KCNAB1: variants seen among roughly 807,000 people sequenced by gnomAD.
KCNAB1 encodes voltage-gated potassium channel subunit beta-1.
Under a neutral mutation model 64.6 loss-of-function variants are expected in KCNAB1, and 35 were observed. That is an observed-to-expected ratio of 0.54 (90% CI 0.41 to 0.72). The LOEUF (loss-of-function observed/expected upper bound fraction) is 0.72, where lower values mean the gene tolerates loss of function less well. KCNAB1 is among the 30% of genes least tolerant of loss of function. KCNAB1 has a pLI of 0.00. For missense variants in KCNAB1, 401 were observed against 512.9 expected (o/e 0.78, Z 2.11); for synonymous variants, 177 against 183.8 (o/e 0.96, Z 0.30).
intron 1 of KCNAB1, among the ~76,000 whole-genome samples, chr3:156,266,129 C>G (rs1435843844): frequency 3.3e-5 from 5 of 152,172 alleles, no homozygotes; most frequent in Non-Finnish European, 7.4e-5. Context: ...CAAATCTTCT[C>G]CTACATTTGA....
intron 1 of KCNAB1, among the ~76,000 whole-genome samples, chr3:156,243,471 G>A (rs566530833): frequency 5.3e-5 from 8 of 151,282 alleles, no homozygotes; most frequent in Non-Finnish European, 8.8e-5. Context: ...CAGGTGATCC[G>A]CTTGCCTTGG....
chr3:156,133,742 G>A (rs1714132090), intron 1 of KCNAB1, among the ~76,000 whole-genome samples: 1 of 152,178 alleles, frequency 6.6e-6, no homozygotes, highest in South Asian at 2.1e-4. Context: ...GGGAGACAGG[G>A]AAGAGAAGCA....
In KCNAB1 at chr3:156,504,028, G is replaced by T. The variant is rs554756162; in HGVS notation, c.659-10336G>T. On this transcript the variant is annotated intron_variant, in intron 8 of 13. Coordinates refer to ENST00000490337, the MANE Select transcript of KCNAB1 (RefSeq NM_172160.3). The stretch of plus-strand genomic sequence containing the variant: ...ATTCCTCCTATCTGGCAGTAATATT[G>T]TGTTTATTAACCAAACTCTCCGTAT... 1.4e-3 allele frequency among the ~76,000 whole-genome samples: 209 copies of T among 152,190 alleles called. 1 individual carries two copies. The highest frequency in any genetic ancestry group is 2.5e-3 in the Non-Finnish European group (172 of 67,986).
chr3:156,158,032 G>T (rs960262048), intron 1 of KCNAB1, among the ~76,000 whole-genome samples: 58 of 151,906 alleles, frequency 3.8e-4, no homozygotes, highest in African/African-American at 1.4e-3. Context: ...GGGTGCGGTG[G>T]CTGGTGCCTG....
At chr3:156,230,050 A>G (rs1202302139) in intron 1 of KCNAB1, among the ~76,000 whole-genome samples, 1 of 152,188 alleles carries the variant, frequency 6.6e-6, no homozygotes, top group African/African-American at 2.4e-5. Flanking sequence ...ATTCTTTATT[A>G]TATAAGCTTG....
At chr3:156,179,805 A>G (rs888164586) in intron 1 of KCNAB1, among the ~76,000 whole-genome samples, 1 of 152,238 alleles carries the variant, frequency 6.6e-6, no homozygotes, top group African/African-American at 2.4e-5. Flanking sequence ...TAGAAAATGT[A>G]CAATTGACTG....
At chr3:156,137,168 C>T (rs1378457504) in intron 1 of KCNAB1, among the ~76,000 whole-genome samples, 2 of 150,242 alleles carry the variant, frequency 1.3e-5, no homozygotes, top group Non-Finnish European at 2.9e-5. Context: ...TTTCTATCCT[C>T]TCCTACTCAT....
intron 1 of KCNAB1, among the ~76,000 whole-genome samples, chr3:156,170,142 G>A (rs1711867373): frequency 6.6e-6 from 1 of 151,872 alleles, no homozygotes; most frequent in African/African-American, 2.4e-5. Context: ...GATGAAGAGA[G>A]GAATTAGGAT....
rs563694700 is a variant in KCNAB1 at position 156,323,304 on chromosome 3, G to A, written c.276-98312G>A. Among the ~76,000 whole-genome samples, 6 of 152,236 alleles carry A rather than the reference G, an allele frequency of 3.9e-5. No homozygotes were observed. The South Asian group carries it at 6.2e-4, about 16-fold the overall frequency. ...GGTTTTCAAAGTGTCCTTTGAAAAA[G>A]CATAAAACTGAAATACTTGTACTGT... is the stretch of plus-strand genomic sequence containing the variant. On this transcript the variant is annotated intron_variant, in intron 1 of 13. Transcript: ENST00000490337.
intron 2 of KCNAB1, among the ~76,000 whole-genome samples, chr3:156,447,710 G>A (rs1711671412): frequency 6.6e-6 from 1 of 152,142 alleles, no homozygotes; most frequent in South Asian, 2.1e-4. Context: ...ACATATTGGA[G>A]TGGATTAAGA....
chr3:156,173,124 C>CA (rs1436290606), intron 1 of KCNAB1, among the ~76,000 whole-genome samples: 1 of 152,202 alleles, frequency 6.6e-6, no homozygotes, highest in Non-Finnish European at 1.5e-5. Context: ...TCGGATGCCT[C>CA]AAGTCACTGC....
chr3:156,422,106 T>TG (rs1715502521), intron 2 of KCNAB1, among the ~76,000 whole-genome samples: 4 of 152,208 alleles, frequency 2.6e-5, no homozygotes, highest in Non-Finnish European at 4.4e-5. Context: ...CCTTAAATAT[T>TG]TGGGGGGGCA....
At chr3:156,255,994 G>A (rs1009958249) in intron 1 of KCNAB1, among the ~76,000 whole-genome samples, 1 of 152,170 alleles carries the variant, frequency 6.6e-6, no homozygotes, top group Non-Finnish European at 1.5e-5. Context: ...AGTGCGGTAG[G>A]TGTTCAGTAA....
intron 1 of KCNAB1, among the ~76,000 whole-genome samples, chr3:156,370,334 G>A (rs1423031275): frequency 6.6e-6 from 1 of 152,174 alleles, no homozygotes; most frequent in Non-Finnish European, 1.5e-5. Flanking sequence ...AGCTCTTTCA[G>A]ATAAAGTGCC....
At chr3:156,396,223 C>T (rs1193727894) in intron 1 of KCNAB1, among the ~76,000 whole-genome samples, 1 of 152,140 alleles carries the variant, frequency 6.6e-6, no homozygotes, top group Non-Finnish European at 1.5e-5. Context: ...TTTTTTTATG[C>T]ATAGCTAGCA....
intron 7 of KCNAB1, among the ~76,000 whole-genome samples, chr3:156,471,856 T>C (rs1429549607): frequency 2.6e-5 from 4 of 152,228 alleles, no homozygotes; most frequent in African/African-American, 9.6e-5. Flanking sequence ...AATATCTGAT[T>C]TGGTTTGCAG....
chr3:156,258,578 C>T (rs932248870), intron 1 of KCNAB1, among the ~76,000 whole-genome samples: 5 of 152,194 alleles, frequency 3.3e-5, no homozygotes, highest in Non-Finnish European at 7.3e-5. Flanking sequence ...TCCTATGCAA[C>T]AACACTCCCA....
At chr3:156,231,763 T>A (rs1170609827) in intron 1 of KCNAB1, among the ~76,000 whole-genome samples, 1 of 152,062 alleles carries the variant, frequency 6.6e-6, no homozygotes, top group East Asian at 1.9e-4. Flanking sequence ...ACTCAACCAA[T>A]TGCCAACCAG....
intron 13 of KCNAB1, among the ~76,000 whole-genome samples, chr3:156,534,755 C>T (rs943356151): frequency 6.6e-6 from 1 of 152,208 alleles, no homozygotes; most frequent in Non-Finnish European, 1.5e-5. Flanking sequence ...CCCCAACCCA[C>T]CACCTATCCC....
Sources: allele counts gnomAD v4.1 joint callset (sites outside exome capture counted in the v4.1 genomes callset), GRCh38; gene constraint gnomAD v4.1.1; transcripts MANE v1.5; gene names NCBI Gene and HGNC (gene_info 2026-07-23, HGNC 2026-07-21).